Variants in CPEB2 observed in about 807,000 individuals in gnomAD.
CPEB2 encodes the protein cytoplasmic polyadenylation element binding protein 2, also known as cytoplasmic polyadenylation element-binding protein 2.
Under a neutral mutation model 93.6 loss-of-function variants are expected in CPEB2, and 56 were observed. The ratio of observed to expected loss-of-function variants is 0.60; its 90% CI spans 0.48 to 0.75. CPEB2 has a LOEUF of 0.75. Among genes scored for constraint, CPEB2 ranks in the 30% least tolerant of loss-of-function variants. CPEB2 has a pLI of 0.00. For synonymous variants in CPEB2, 764 were observed against 586.3 expected (o/e 1.30, Z -4.38); for missense variants, 1,579 against 1,395.1 (o/e 1.13, Z -2.10).
intron 4 of CPEB2, among the ~76,000 whole-genome samples, chr4:15,027,208 G>A (rs957201625): frequency 1.3e-5 from 2 of 152,024 alleles, no homozygotes; most frequent in African/African-American, 4.8e-5. Context: ...GTTCTTTGGT[G>A]TTTCTTGGTA....
At chr4:15,053,223 A>T (rs978768275) in intron 7 of CPEB2, among the ~76,000 whole-genome samples, 2 of 151,956 alleles carry the variant, frequency 1.3e-5, no homozygotes, top group Non-Finnish European at 2.9e-5. Context: ...TCACTGTGTT[A>T]GCCAGAATGG....
chr4:15,006,818 T>A (rs1479020652), intron 1 of CPEB2, among the ~76,000 whole-genome samples: 1 of 152,208 alleles, frequency 6.6e-6, no homozygotes, highest in African/African-American at 2.4e-5. Flanking sequence ...TAATTCCCAC[T>A]TTTGTAGTAG....
chr4:15,026,635 TCAAA>T (rs1421473516), intron 4 of CPEB2, among the ~76,000 whole-genome samples: 5 of 152,182 alleles, frequency 3.3e-5, no homozygotes, highest in Admixed American at 6.5e-5. Context: ...TATCATGATG[TCAAA>T]CAAATAGGAG....
Position 15,002,897 on chromosome 4 carries a change from G to A in CPEB2, c.224G>A (p.Ser75Asn). 1 of 1,509,778 alleles carries A rather than the reference G, an allele frequency of 6.6e-7. No individual in the cohort carries two copies. Among genetic ancestry groups the A allele is most frequent in the Non-Finnish European group, 8.8e-7 (1 of 1,139,912 alleles). 93.5% of individuals were successfully genotyped at this position (1,509,778 alleles called of 1,614,324 possible). A position where few individuals can be genotyped will look rare whatever the true frequency, so the allele number is the denominator to read the frequency against. ...FSVPLGGGAG[S>N]PAAAASSSSP... ...GTCCCCCTCGGCGGCGGCGCGGGCA[G>A]CCCGGCCGCCGCCGCTTCCTCTTCC... Residue 75 changes from serine (S) to asparagine (N), a missense_variant, in exon 1 of 12, where the codon AGC (serine) becomes AAC (asparagine). Coordinates refer to ENST00000538197, the MANE Select transcript of CPEB2 (RefSeq NM_001177382.2).
At chr4:15,035,040 C>T (rs1180614664) in intron 5 of CPEB2, among the ~76,000 whole-genome samples, 1 of 152,120 alleles carries the variant, frequency 6.6e-6, no homozygotes, top group Non-Finnish European at 1.5e-5. Context: ...AATTGTATCT[C>T]ATAGTACGTA....
chr4:15,029,679 GAT>G (rs752117906), intron 4 of CPEB2, among the ~76,000 whole-genome samples: 4 of 152,070 alleles, frequency 2.6e-5, no homozygotes, highest in Non-Finnish European at 5.9e-5. Flanking sequence ...GCTTGAGTAA[GAT>G]AGAAGTTTGT....
intron 4 of CPEB2, among the ~76,000 whole-genome samples, chr4:15,018,221 T>C (rs1724391949): frequency 6.6e-6 from 1 of 151,848 alleles, no homozygotes; most frequent in African/African-American, 2.4e-5. Flanking sequence ...TTTCAAGATT[T>C]GGCCTAAAAA....
At chr4:15,034,644 A>C (rs4593126) in intron 5 of CPEB2, among the ~76,000 whole-genome samples, 6,148 of 152,246 alleles carry the variant, frequency 0.04, 408 homozygotes, top group African/African-American at 0.14. Flanking sequence ...GGACATGAAA[A>C]TGTGTTTACA....
chr4:15,054,327 G>C, intron 8 of CPEB2, 110 bp downstream of exon 8: 2 of 767,738 alleles, frequency 2.6e-6, no homozygotes, highest in Non-Finnish European at 4.4e-6. Flanking sequence ...GCTATGATTT[G>C]ATAATTTCAT....
Position 15,004,225 on chromosome 4 carries a change from C to G in CPEB2, c.1552C>G (p.Pro518Ala). The change falls in exon 1 of 12, where the codon CCG (proline) becomes GCG (alanine). Residue 518 changes from proline (P) to alanine (A), a missense_variant. Pro to Ala is a conservative substitution (Grantham distance 27). Transcript: ENST00000538197. The part of the protein sequence containing the change: ...PQQQPPPPAA[P>A]QQPQSRRSPV... ...ACAGCAGCCCCCGCCGCCCGCGGCG[C>G]CGCAGCAGCCGCAGAGCCGGAGGTC... 1 of 1,493,298 alleles carries G rather than the reference C, an allele frequency of 6.7e-7. No homozygotes were observed. Among genetic ancestry groups the G allele is most frequent in the Non-Finnish European group, 8.9e-7 (1 of 1,128,346 alleles). The allele number at this position is 1,493,298 out of a possible 1,614,324, so 92.5% of individuals were successfully genotyped here.
chr4:15,041,097 T>A (rs1470101949), intron 6 of CPEB2, among the ~76,000 whole-genome samples: 1 of 151,984 alleles, frequency 6.6e-6, no homozygotes, highest in East Asian at 1.9e-4. Context: ...CCCCACAGAG[T>A]TCTTGTGTGG....
chr4:15,046,415 G>A (rs1252471576), intron 6 of CPEB2, among the ~76,000 whole-genome samples: 4 of 152,204 alleles, frequency 2.6e-5, no homozygotes, highest in South Asian at 4.1e-4. Flanking sequence ...TAGTAGAGAC[G>A]GGGTTTCACG....
intron 4 of CPEB2, among the ~76,000 whole-genome samples, chr4:15,020,746 C>T (rs1157648093): frequency 6.6e-6 from 1 of 152,154 alleles, no homozygotes; most frequent in Non-Finnish European, 1.5e-5. Context: ...CTAGACACTG[C>T]ACGTTGTCGG....
At chr4:15,053,034 T>C (rs77575462) in intron 7 of CPEB2, among the ~76,000 whole-genome samples, 1 of 151,746 alleles carries the variant, frequency 6.6e-6, no homozygotes, top group African/African-American at 2.4e-5. Context: ...TTTTTTTTTT[T>C]GAGGTGGAGT....
rs1727049937 is a variant in CPEB2 at position 15,040,384 on chromosome 4, T to C, written c.2177-80T>C. The C allele has an allele frequency of 2.2e-6, 3 of 1,365,054 alleles. No homozygotes were observed. The South Asian group carries it at 3.8e-5, about 17-fold the overall frequency. 84.6% of individuals were successfully genotyped at this position (1,365,054 alleles called of 1,614,324 possible). A position where few individuals can be genotyped will look rare whatever the true frequency, so the allele number is the denominator to read the frequency against. ...ACTAATTTTCAGATGCCCACATAGC[T>C]TTTCGTATCAGAAATATTTGTATAT... On this transcript the variant is annotated intron_variant, in intron 5 of 11. Coordinates refer to ENST00000538197, the MANE Select transcript of CPEB2 (RefSeq NM_001177382.2).
chr4:15,058,839 G>A (rs549125759), intron 9 of CPEB2, among the ~76,000 whole-genome samples: 25 of 152,208 alleles, frequency 1.6e-4, no homozygotes, highest in African/African-American at 5.5e-4. Context: ...ATAGGAATGC[G>A]AACCCTATTG....
intron 2 of CPEB2, 158 bp downstream of exon 2, chr4:15,007,744 C>T: frequency 2.2e-6 from 1 of 457,740 alleles, no homozygotes; most frequent in Non-Finnish European, 3.7e-6. Flanking sequence ...AATATCTATA[C>T]AGAGAAAATT....
At chr4:15,044,419 A>G (rs1464095810) in intron 6 of CPEB2, among the ~76,000 whole-genome samples, 3 of 152,192 alleles carry the variant, frequency 2.0e-5, no homozygotes, top group African/African-American at 7.2e-5. Context: ...CTCTACACCT[A>G]TACCCAGCAA....
At chr4:15,008,631 T>C (rs1040464724) in intron 3 of CPEB2, among the ~76,000 whole-genome samples, 3 of 152,202 alleles carry the variant, frequency 2.0e-5, no homozygotes, top group Non-Finnish European at 4.4e-5. Flanking sequence ...AGTAATCCTT[T>C]TATAATTCTA....
Sources: allele counts gnomAD v4.1 joint callset (sites outside exome capture counted in the v4.1 genomes callset), GRCh38; gene constraint gnomAD v4.1.1; transcripts MANE v1.5; gene names NCBI Gene and HGNC (gene_info 2026-07-23, HGNC 2026-07-21).